The following ZBTB16 variants were observed in gnomAD, a reference collection of about 807,000 sequenced individuals.
ZBTB16 encodes zinc finger and BTB domain-containing protein 16.
ZBTB16 carries 8 observed loss-of-function variants against 56.8 expected under a neutral mutation model. That is an observed-to-expected ratio of 0.14 (90% CI 0.08 to 0.25). The LOEUF (loss-of-function observed/expected upper bound fraction) is 0.25. Among genes scored for constraint, ZBTB16 ranks in the 10% least tolerant of loss-of-function variants. The pLI is 1.00. For synonymous variants in ZBTB16, 363 were observed against 368.5 expected, an observed-to-expected ratio of 0.98 and a Z score of 0.17; for missense variants, 625 against 903.0, an observed-to-expected ratio of 0.69 and a Z score of 3.95.
chr11:114,087,793 G>C (rs1940014016), intron 2 of ZBTB16, among the ~76,000 whole-genome samples: 1 of 152,198 alleles, frequency 6.6e-6, no homozygotes, highest in African/African-American at 2.4e-5. Context: ...CTAGATTCCA[G>C]CTACATTTTC....
chr11:114,093,562 G>T (rs1940273454), intron 2 of ZBTB16, among the ~76,000 whole-genome samples: 1 of 152,188 alleles, frequency 6.6e-6, no homozygotes, highest in Admixed American at 6.5e-5. Flanking sequence ...TGTGGCCCAA[G>T]GATGGTGGAG....
At chr11:114,191,762 A>G (rs1436570061) in intron 4 of ZBTB16, among the ~76,000 whole-genome samples, 2 of 152,194 alleles carry the variant, frequency 1.3e-5, no homozygotes, top group African/African-American at 4.8e-5. Context: ...ATTTGACTAT[A>G]CACACATGCA....
chr11:114,148,397 C>T (rs75947725), intron 2 of ZBTB16, among the ~76,000 whole-genome samples: 38 of 24,726 alleles, frequency 1.5e-3, no homozygotes, highest in African/African-American at 5.9e-3. Flanking sequence ...TCCTCCTTCC[C>T]TCCCTCCCTC....
chr11:114,082,288 C>G (rs2852801), intron 2 of ZBTB16, among the ~76,000 whole-genome samples: 1 of 151,512 alleles, frequency 6.6e-6, no homozygotes, highest in Non-Finnish European at 1.5e-5. Context: ...TCTATTTCAA[C>G]ACAACAACAA....
chr11:114,229,723 G>T (rs1363893620), intron 4 of ZBTB16, among the ~76,000 whole-genome samples: 1 of 152,080 alleles, frequency 6.6e-6, no homozygotes, highest in African/African-American at 2.4e-5. Flanking sequence ...TGATGACATG[G>T]ATGCTTAGAA....
intron 2 of ZBTB16, among the ~76,000 whole-genome samples, chr11:114,070,488 C>A (rs888962230): frequency 6.6e-6 from 1 of 152,210 alleles, no homozygotes; most frequent in African/African-American, 2.4e-5. Context: ...GAACGATTAT[C>A]ATTCTCTATT....
intron 4 of ZBTB16, among the ~76,000 whole-genome samples, chr11:114,212,044 G>A (rs1019152527): frequency 6.6e-6 from 1 of 152,064 alleles, no homozygotes; most frequent in African/African-American, 2.4e-5. Context: ...GGGGTCAAAG[G>A]GTCATCTCAT....
intron 4 of ZBTB16, chr11:114,187,335 G>A (rs1005711787): frequency 1.5e-5 from 7 of 472,112 alleles, no homozygotes; most frequent in African/African-American, 1.0e-4. Context: ...GTATGCTCTT[G>A]TTGAGGCCTT....
At chr11:114,136,567 T>A (rs1292399578) in intron 2 of ZBTB16, among the ~76,000 whole-genome samples, 1 of 152,220 alleles carries the variant, frequency 6.6e-6, no homozygotes, top group Non-Finnish European at 1.5e-5. Flanking sequence ...TGGAATGTTC[T>A]GAGGTTCTTA....
rs751496388 is a variant in ZBTB16 at position 114,255,074 on chromosome 11, G to A, written c.*4519G>A. Among the ~76,000 whole-genome samples the A allele has an allele frequency of 1.3e-5, 2 of 152,134 alleles. No individual in the cohort carries two copies. The highest frequency in any genetic ancestry group is 2.9e-5 in the Non-Finnish European group (2 of 68,028). On this transcript the variant is annotated 3_prime_UTR_variant, in exon 7 of 7. Coordinates refer to ENST00000335953, the MANE Select transcript of ZBTB16 (RefSeq NM_006006.6). Reference sequence around the variant, plus strand: ...CGTAAGGTTAAGAAGCCGTGGTGGTGCACCATGACATCCAACCCGTATATA... The same window carrying A: ...CGTAAGGTTAAGAAGCCGTGGTGGTACACCATGACATCCAACCCGTATATA...
At chr11:114,249,675 G>C (rs1223129560) in intron 6 of ZBTB16, among the ~76,000 whole-genome samples, 1 of 143,418 alleles carries the variant, frequency 7.0e-6, no homozygotes, top group Admixed American at 7.1e-5. Context: ...TGAGGCAGGA[G>C]AATGGCGTGA....
chr11:114,227,452 T>A (rs1944351217), intron 4 of ZBTB16, among the ~76,000 whole-genome samples: 1 of 152,240 alleles, frequency 6.6e-6, no homozygotes, highest in South Asian at 2.1e-4. Context: ...CAAATTCATT[T>A]GTGCAATCCT....
intron 4 of ZBTB16, among the ~76,000 whole-genome samples, chr11:114,205,346 C>T (rs534938481): frequency 0.01 from 1,537 of 151,054 alleles, 15 homozygotes; most frequent in Non-Finnish European, 0.016. Context: ...GGAGGTGGAG[C>T]TTGCAGTGAG....
intron 3 of ZBTB16, among the ~76,000 whole-genome samples, chr11:114,157,594 C>T (rs1217207220): frequency 6.6e-6 from 1 of 152,198 alleles, no homozygotes; most frequent in Non-Finnish European, 1.5e-5. Context: ...TACTGTCTTT[C>T]CCCTGAGCCC....
At position 114,251,224 on chromosome 11, in the gene ZBTB16, C is replaced by T. The variant is rs545498230; in HGVS notation, c.*669C>T. ...CTTTGTTCCCAGCCTCCCCTTGACT[C>T]CTGTCCTCCAAGTCCCAGGGGAGTC... On this transcript the variant is annotated 3_prime_UTR_variant, in exon 7 of 7. Coordinates refer to ENST00000335953, the MANE Select transcript of ZBTB16 (RefSeq NM_006006.6). Among the ~76,000 whole-genome samples, 6 of 152,266 alleles carry T rather than the reference C, an allele frequency of 3.9e-5. No individual in the cohort carries two copies. Among genetic ancestry groups the T allele is most frequent in the African/African-American group, 1.2e-4 (5 of 41,550 alleles).
At chr11:114,193,872 C>T (rs1943552026) in intron 4 of ZBTB16, among the ~76,000 whole-genome samples, 3 of 152,204 alleles carry the variant, frequency 2.0e-5, no homozygotes, top group Admixed American at 1.3e-4. Flanking sequence ...TCCTTGATTA[C>T]ACCCATTTAA....
At chr11:114,247,098 C>T (rs1944829988) in intron 5 of ZBTB16, 100 bp from the exon 6 acceptor site, 4 of 1,534,784 alleles carry the variant, frequency 2.6e-6, no homozygotes, top group African/African-American at 2.7e-5. Flanking sequence ...GTGGTGAATA[C>T]AGGCCGTCGC....
chr11:114,148,394 T>C (rs1942174828), intron 2 of ZBTB16, among the ~76,000 whole-genome samples: 5 of 30,650 alleles, frequency 1.6e-4, no homozygotes, highest in Non-Finnish European at 2.8e-4. Flanking sequence ...CCTTCCTCCT[T>C]CCCTCCCTCC....
intron 3 of ZBTB16, among the ~76,000 whole-genome samples, chr11:114,165,006 A>T (rs1942703903): frequency 6.7e-6 from 1 of 149,736 alleles, no homozygotes; most frequent in Non-Finnish European, 1.5e-5. Flanking sequence ...CTTTGTCTCC[A>T]TCTGTCTTCG....
Sources: allele counts gnomAD v4.1 joint callset (sites outside exome capture counted in the v4.1 genomes callset), GRCh38; gene constraint gnomAD v4.1.1; transcripts MANE v1.5; gene names NCBI Gene and HGNC (gene_info 2026-07-23, HGNC 2026-07-21).